KANSL1: variants seen among roughly 807,000 people sequenced by gnomAD.
KANSL1 encodes MLL1/MLL complex subunit KANSL1.
In KANSL1, 22 loss-of-function variants were observed where a neutral mutation model predicts 103.6. The ratio of observed to expected loss-of-function variants is 0.21; its 90% CI spans 0.15 to 0.30. KANSL1 has a LOEUF of 0.30. KANSL1 is among the 10% of genes least tolerant of loss of function. The pLI is 1.00. For missense variants in KANSL1, 1,337 were observed against 1,399.8 expected, an observed-to-expected ratio of 0.96 and a Z score of 0.72; for synonymous variants, 600 against 527.6, an observed-to-expected ratio of 1.14 and a Z score of -1.88.
chr17:46,057,048 G>A (rs2077957828), intron 6 of KANSL1, among the ~76,000 whole-genome samples: 1 of 152,004 alleles, frequency 6.6e-6, no homozygotes, highest in Non-Finnish European at 1.5e-5. Context: ...CAAAGCACAG[G>A]CTCCCATTAA....
chr17:46,160,672 G>A (rs1484981856), intron 2 of KANSL1, among the ~76,000 whole-genome samples: 2 of 152,110 alleles, frequency 1.3e-5, no homozygotes, highest in Non-Finnish European at 2.9e-5. Context: ...GATGTATCTG[G>A]TTAAGATACA....
At chr17:46,211,862 T>C (rs1020755842) in intron 1 of KANSL1, among the ~76,000 whole-genome samples, 2 of 152,246 alleles carry the variant, frequency 1.3e-5, no homozygotes, top group Admixed American at 1.3e-4. Context: ...CTCGGATAAA[T>C]GTAGGTATAT....
intron 2 of KANSL1, among the ~76,000 whole-genome samples, chr17:46,115,307 A>G (rs2042995915): frequency 6.6e-6 from 1 of 152,166 alleles, no homozygotes; most frequent in Admixed American, 6.6e-5. Context: ...TGATCCACCC[A>G]TCTCAGCCTC....
At chr17:46,096,413 C>G (rs1216953455) in intron 2 of KANSL1, among the ~76,000 whole-genome samples, 1 of 150,454 alleles carries the variant, frequency 6.6e-6, no homozygotes, top group East Asian at 2.0e-4. Context: ...CTTCGCCTCC[C>G]AGGTTCAAGC....
At chr17:46,150,062 T>C (rs1416583026) in intron 2 of KANSL1, among the ~76,000 whole-genome samples, 2 of 113,326 alleles carry the variant, frequency 1.8e-5, no homozygotes, top group Non-Finnish European at 4.0e-5. Flanking sequence ...TCACTTTCCT[T>C]ACCAAAAAAA....
intron 2 of KANSL1, among the ~76,000 whole-genome samples, chr17:46,135,868 T>C (rs1473011924): frequency 6.6e-6 from 1 of 152,094 alleles, no homozygotes; most frequent in Non-Finnish European, 1.5e-5. Context: ...GACCCAACAA[T>C]TTGCCAAAGA....
intron 1 of KANSL1, among the ~76,000 whole-genome samples, chr17:46,220,530 T>C (rs2532410): frequency 0.11 from 15,611 of 144,302 alleles, no homozygotes; most frequent in Middle Eastern, 0.17. Flanking sequence ...TTTTCAATTT[T>C]CTATTTAATT....
At chr17:46,102,645 T>A (rs928752499) in intron 2 of KANSL1, among the ~76,000 whole-genome samples, 1 of 152,214 alleles carries the variant, frequency 6.6e-6, no homozygotes, top group African/African-American at 2.4e-5. Flanking sequence ...AGATTACCTC[T>A]AATATTTAAA....
chr17:46,118,957 A>G (rs2043159765), intron 2 of KANSL1, among the ~76,000 whole-genome samples: 1 of 152,252 alleles, frequency 6.6e-6, no homozygotes, highest in Admixed American at 6.5e-5. Context: ...CATGGATAAA[A>G]TAACAGGGGT....
chr17:46,112,368 C>CAAAA (rs34480982), intron 2 of KANSL1, among the ~76,000 whole-genome samples: 7 of 51,072 alleles, frequency 1.4e-4, no homozygotes, highest in African/African-American at 1.8e-4. Context: ...AACTCTGTCT[C>CAAAA]AAAAAAAAAA....
chr17:46,102,081 A>T lies in KANSL1; in HGVS notation c.1290-7380T>A, dbSNP rs545313622. 1.9e-3 allele frequency among the ~76,000 whole-genome samples: 289 copies of T among 152,362 alleles called. 1 individual carries two copies. The highest frequency in any genetic ancestry group is 6.6e-3 in the African/African-American group (274 of 41,588). ...GGGATAAAGCACAAGGAGAAAAAGA[A>T]GAGAACCAAACTGTCCAGAGTTAAA... On this transcript the variant is annotated intron_variant, in intron 2 of 14. Coordinates refer to ENST00000432791, the MANE Select transcript of KANSL1 (RefSeq NM_015443.4).
chr17:46,099,848 T>C lies in KANSL1; in HGVS notation c.1290-5147A>G, dbSNP rs566979449. 1.6e-4 allele frequency among the ~76,000 whole-genome samples: 25 copies of C among 152,364 alleles called. No homozygotes were observed. The South Asian group carries it at 3.7e-3, about 23-fold the overall frequency. On this transcript the variant is annotated intron_variant, in intron 2 of 14. Transcript: ENST00000432791. ...ATTGCTTTTATAAACTTTTTATTGGTAAAAATGGCTTTGTCACCATGTGCT... is the reference window on the plus strand; with the variant it reads ...ATTGCTTTTATAAACTTTTTATTGGCAAAAATGGCTTTGTCACCATGTGCT...
In KANSL1 at chr17:46,038,520, C is replaced by T. The variant is rs12150090; in HGVS notation, c.2541+18G>A. The T allele has an allele frequency of 0.19, 304,181 of 1,612,476 alleles. 32,699 individuals are homozygous for T. The highest frequency in any genetic ancestry group is 0.22 in the Non-Finnish European group (261,107 of 1,179,072). On this transcript the variant is annotated intron_variant, in intron 10 of 14. Transcript: ENST00000432791. Reference sequence around the variant, plus strand: ...ACCTGCAGAGGGGGTGTCCGGCCAACCCCACACAGGTACTTACCGATGTGC... The same window carrying T: ...ACCTGCAGAGGGGGTGTCCGGCCAATCCCACACAGGTACTTACCGATGTGC...
At chr17:46,200,478 C>T (rs1168167865) in intron 1 of KANSL1, among the ~76,000 whole-genome samples, 1 of 152,244 alleles carries the variant, frequency 6.6e-6, no homozygotes, top group African/African-American at 2.4e-5. Context: ...TGCGGTAGCT[C>T]ATGCCTGTAA....
intron 2 of KANSL1, among the ~76,000 whole-genome samples, chr17:46,102,374 T>G (rs552357992): frequency 6.6e-6 from 1 of 152,168 alleles, no homozygotes; most frequent in African/African-American, 2.4e-5. Context: ...CTCAGCCTCC[T>G]GAGTAGCTGG....
chr17:46,042,774 A>T (rs1402536942), intron 7 of KANSL1: 1 of 149,304 alleles, frequency 6.7e-6, no homozygotes, highest in Non-Finnish European at 1.5e-5. Context: ...CTGGAATAAA[A>T]ATCTGAGTTG....
chr17:46,130,461 G>A (rs1280076193), intron 2 of KANSL1, among the ~76,000 whole-genome samples: 1 of 152,176 alleles, frequency 6.6e-6, no homozygotes, highest in Non-Finnish European at 1.5e-5. Flanking sequence ...TTAACACGTG[G>A]GGGTCACAGT....
At chr17:46,104,409 C>T (rs1460241957) in intron 2 of KANSL1, among the ~76,000 whole-genome samples, 1 of 152,180 alleles carries the variant, frequency 6.6e-6, no homozygotes, top group Admixed American at 6.5e-5. Flanking sequence ...ACTCTTTGTC[C>T]TCTTCAAGCT....
intron 9 of KANSL1, 142 bp downstream of exon 9, chr17:46,038,885 T>C: frequency 1.7e-6 from 2 of 1,174,194 alleles, no homozygotes; most frequent in South Asian, 2.9e-5. Context: ...GTGACCTCCA[T>C]TTAGAAGCAG....
Sources: gnomAD v4.1 joint callset for allele counts (sites outside exome capture counted in the v4.1 genomes callset) on GRCh38, gnomAD v4.1.1 for gene constraint, MANE v1.5 for transcripts, NCBI Gene and HGNC (gene_info 2026-07-23, HGNC 2026-07-21) for gene names.